ACSL1: variants seen among roughly 807,000 people sequenced by gnomAD.
ACSL1 encodes long-chain-fatty-acid--CoA ligase 1.
Under a neutral mutation model 98.4 loss-of-function variants are expected in ACSL1, and 41 were observed. The ratio of observed to expected loss-of-function variants is 0.42; its 90% CI spans 0.32 to 0.54. The LOEUF (loss-of-function observed/expected upper bound fraction) is 0.54. ACSL1 is among the 20% of genes least tolerant of loss of function. The pLI is 0.13. For synonymous variants in ACSL1, 316 were observed against 322.7 expected (o/e 0.98, Z 0.22); for missense variants, 734 against 883.1 (o/e 0.83, Z 2.14).
intron 1 of ACSL1, among the ~76,000 whole-genome samples, chr4:184,818,812 G>A (rs777270695): frequency 1.2e-4 from 19 of 152,040 alleles, no homozygotes; most frequent in Non-Finnish European, 2.5e-4. Flanking sequence ...TAGCCAGTAC[G>A]GCCAGACACC....
chr4:184,765,519 T>C (rs1259804849), intron 14 of ACSL1, among the ~76,000 whole-genome samples: 3 of 151,850 alleles, frequency 2.0e-5, no homozygotes, highest in East Asian at 1.9e-4. Context: ...AGGGGTGATG[T>C]TGGTGAAAGG....
chr4:184,770,222 C>CT (rs1202328418), intron 11 of ACSL1, 177 bp downstream of exon 11: 1 of 1,526,292 alleles, frequency 6.6e-7, no homozygotes, highest in Non-Finnish European at 8.8e-7. Flanking sequence ...AGAGAATTCT[C>CT]TATAGGGATG....
chr4:184,781,404 C>T (rs1766252841), intron 4 of ACSL1, among the ~76,000 whole-genome samples: 1 of 151,764 alleles, frequency 6.6e-6, no homozygotes, highest in Non-Finnish European at 1.5e-5. Flanking sequence ...TGAAAACTAT[C>T]AAACTTAGGA....
At chr4:184,778,607 G>A in intron 5 of ACSL1, among the ~76,000 whole-genome samples, 1 of 152,306 alleles carries the variant, frequency 6.6e-6, no homozygotes, top group Non-Finnish European at 1.5e-5. Flanking sequence ...CCACTTGACA[G>A]AGAAAGCACC....
Position 184,763,276 on chromosome 4 carries a change from T to C in ACSL1, c.1433-21A>G, listed in dbSNP as rs539451395. On this transcript the variant is annotated intron_variant, in intron 15 of 20. Transcript: ENST00000281455. ...ATGGCCTGTATATTAAATAAGCAAA[T>C]GGTCATTCCTAAGGGAACTACTCAT... 7 of 1,608,154 alleles carry C rather than the reference T, an allele frequency of 4.4e-6. No homozygotes were observed. In the East Asian group the frequency reaches 6.7e-5, roughly 15 times the overall value.
At chr4:184,770,120 T>A in intron 11 of ACSL1, 1 of 867,110 alleles carries the variant, frequency 1.2e-6, no homozygotes, top group Non-Finnish European at 1.7e-6. Flanking sequence ...AATTTTAAAA[T>A]GAGTGATTAA....
At chr4:184,763,068 A>C in intron 16 of ACSL1, 99 bp downstream of exon 16, 2 of 1,228,876 alleles carry the variant, frequency 1.6e-6, no homozygotes, top group Non-Finnish European at 2.3e-6. Context: ...GTCAAGTTCA[A>C]TGGCTTTATT....
At chr4:184,778,821 T>A (rs1438901480) in intron 5 of ACSL1, among the ~76,000 whole-genome samples, 1 of 152,172 alleles carries the variant, frequency 6.6e-6, no homozygotes, top group South Asian at 2.1e-4. Flanking sequence ...AACAAACATT[T>A]TGATGTGTTC....
Position 184,776,618 on chromosome 4 carries a change from G to C in ACSL1, c.622C>G (p.Leu208Val), listed in dbSNP as rs142315737. ...VFVDKPEKAK[L>V]LLEGVENKLI... ...TTATTTTCTACACCCTCTAATAAGAGTTTGGCCTTCTCTGGCTTGTCAACA... is the reference window on the plus strand; with the variant it reads ...TTATTTTCTACACCCTCTAATAAGACTTTGGCCTTCTCTGGCTTGTCAACA... The change falls in exon 7 of 21, where the codon CTC (leucine) becomes GTC (valine). Residue 208 changes from leucine to valine, a missense_variant. Coordinates refer to ENST00000281455, the MANE Select transcript of ACSL1 (RefSeq NM_001995.5). The C allele has an allele frequency of 6.2e-7, 1 of 1,613,600 alleles. No individual in the cohort carries two copies. Among genetic ancestry groups the C allele is most frequent in the African/African-American group, 1.3e-5 (1 of 75,038 alleles).
upstream of ACSL1, chr4:184,826,194 G>A (rs1490138552): frequency 2.0e-5 from 3 of 149,764 alleles, no homozygotes; most frequent in African/African-American, 7.3e-5. Flanking sequence ...CGTGGCTGGC[G>A]GGTGGCCGGC....
chr4:184,784,211 GA>G (rs1766826829), intron 3 of ACSL1, among the ~76,000 whole-genome samples: 1 of 152,146 alleles, frequency 6.6e-6, no homozygotes, highest in Non-Finnish European at 1.5e-5. Flanking sequence ...TGGGGCAGGA[GA>G]GGGGGACAGA....
At chr4:184,779,354 T>G (rs899673018) in intron 5 of ACSL1, among the ~76,000 whole-genome samples, 2 of 152,178 alleles carry the variant, frequency 1.3e-5, no homozygotes, top group African/African-American at 4.8e-5. Flanking sequence ...ATGTAAGAAG[T>G]GCCTTTCACC....
chr4:184,770,252 T>A, intron 11 of ACSL1, 147 bp downstream of exon 11: 1 of 1,541,172 alleles, frequency 6.5e-7, no homozygotes, highest in Non-Finnish European at 8.7e-7. Flanking sequence ...ACGCCACACT[T>A]ACCTTCAATA....
chr4:184,813,812 G>C (rs1036153487), intron 1 of ACSL1: 1 of 455,926 alleles, frequency 2.2e-6, no homozygotes, highest in Non-Finnish European at 4.4e-6. Context: ...TTTCACAGTA[G>C]CCAGAGCTGG....
At chr4:184,779,651 C>G (rs1376660460) in intron 5 of ACSL1, among the ~76,000 whole-genome samples, 7 of 152,166 alleles carry the variant, frequency 4.6e-5, no homozygotes, top group Non-Finnish European at 8.8e-5. Flanking sequence ...AAAAAAGGAA[C>G]CTGCTATTGA....
At chr4:184,764,675 G>A (rs907256363) in intron 15 of ACSL1, among the ~76,000 whole-genome samples, 178 bp downstream of exon 15, 1 of 152,138 alleles carries the variant, frequency 6.6e-6, no homozygotes, top group South Asian at 2.1e-4. Flanking sequence ...TGCAGGAGGT[G>A]TTCTCCCCAC....
intron 1 of ACSL1, chr4:184,821,376 G>C (rs1000192334): frequency 7.7e-6 from 2 of 260,384 alleles, no homozygotes; most frequent in African/African-American, 4.5e-5. Context: ...CATTTCTATA[G>C]CAGCCAAAGC....
In ACSL1 at chr4:184,784,096, T is replaced by C. The variant is rs958823208; in HGVS notation, c.311-105A>G. The C allele has an allele frequency of 8.1e-6, 7 of 864,840 alleles. No individual in the cohort carries two copies. The Admixed American group carries it at 8.9e-5, about 11-fold the overall frequency. The allele number at this position is 864,840 out of a possible 1,614,324, so 53.6% of individuals were successfully genotyped here. On this transcript the variant is annotated intron_variant, in intron 3 of 20. Coordinates refer to ENST00000281455, the MANE Select transcript of ACSL1 (RefSeq NM_001995.5). ...CTAATACTAAACATCAGCTAGACTC[T>C]ACTTTAGTCCTCAGATAAGAAATGG... is the stretch of plus-strand genomic sequence containing the variant.
chr4:184,813,780 C>T (rs1377615140), intron 1 of ACSL1: 1 of 454,100 alleles, frequency 2.2e-6, no homozygotes, highest in East Asian at 7.0e-5. Context: ...CACAACTGAA[C>T]AGCAGAGAGG....
Sources: allele counts gnomAD v4.1 joint callset (sites outside exome capture counted in the v4.1 genomes callset), GRCh38; gene constraint gnomAD v4.1.1; transcripts MANE v1.5; gene names NCBI Gene and HGNC (gene_info 2026-07-23, HGNC 2026-07-21).